Variants in UBE2E2 observed in about 807,000 individuals in gnomAD.
UBE2E2 encodes the protein ubiquitin-conjugating enzyme E2 E2.
UBE2E2 carries 6 observed loss-of-function variants against 24.7 expected under a neutral mutation model. That is an observed-to-expected ratio of 0.24 (90% confidence interval 0.13 to 0.48). The LOEUF is 0.48. UBE2E2 is among the 20% of genes least tolerant of loss of function. The probability of loss-of-function intolerance (pLI) is 0.99; values close to 1 mark genes in which losing one functional copy is unlikely to be tolerated. For synonymous variants in UBE2E2, 104 were observed against 83.6 expected (o/e 1.24, Z -1.33); for missense variants, 169 against 245.0 (o/e 0.69, Z 2.07).
chr3:23,542,331 G>T (rs1695413555), intron 5 of UBE2E2, among the ~76,000 whole-genome samples: 2 of 152,156 alleles, frequency 1.3e-5, no homozygotes, highest in Admixed American at 6.6e-5. Context: ...TAGAGTTGGG[G>T]TTAATCATAT....
chr3:23,211,394 A>G (rs1696318536), intron 2 of UBE2E2, among the ~76,000 whole-genome samples: 1 of 149,778 alleles, frequency 6.7e-6, no homozygotes, highest in African/African-American at 2.4e-5. Flanking sequence ...TTTAGTAGCT[A>G]TAGCTCTGTG....
intron 3 of UBE2E2, among the ~76,000 whole-genome samples, chr3:23,436,451 G>C (rs1698186267): frequency 6.6e-6 from 1 of 152,090 alleles, no homozygotes; most frequent in Non-Finnish European, 1.5e-5. Context: ...TGTAGCATCT[G>C]TTGTATTCTC....
At chr3:23,457,141 A>G (rs1237794292) in intron 3 of UBE2E2, among the ~76,000 whole-genome samples, 2 of 152,194 alleles carry the variant, frequency 1.3e-5, no homozygotes, top group African/African-American at 4.8e-5. Context: ...TAAAGGCAGC[A>G]CCCGAGCAGT....
At chr3:23,527,835 C>A (rs1695034607) in intron 4 of UBE2E2, among the ~76,000 whole-genome samples, 1 of 152,094 alleles carries the variant, frequency 6.6e-6, no homozygotes, top group South Asian at 2.1e-4. Context: ...CCACCCCACC[C>A]CTTATGGCTC....
At chr3:23,466,829 A>G (rs142122958) in intron 3 of UBE2E2, among the ~76,000 whole-genome samples, 4,399 of 152,132 alleles carry the variant, frequency 0.029, 109 homozygotes, top group East Asian at 0.13. Context: ...AGCCTCCCAC[A>G]GTGCTGGGAT....
At chr3:23,509,157 C>T (rs1006832919) in intron 4 of UBE2E2, among the ~76,000 whole-genome samples, 7 of 152,106 alleles carry the variant, frequency 4.6e-5, no homozygotes, top group African/African-American at 1.4e-4. Flanking sequence ...AATTTAAGGA[C>T]AATAAAATGA....
intron 5 of UBE2E2, among the ~76,000 whole-genome samples, chr3:23,549,139 G>A (rs1695585452): frequency 6.6e-6 from 1 of 152,206 alleles, no homozygotes; most frequent in Non-Finnish European, 1.5e-5. Context: ...CACTGCCAAA[G>A]CAGTATCATG....
intron 3 of UBE2E2, among the ~76,000 whole-genome samples, chr3:23,336,367 C>T (rs945182416): frequency 1.3e-5 from 2 of 152,274 alleles, no homozygotes; most frequent in African/African-American, 2.4e-5. Context: ...GAGTAAAAGT[C>T]GTAATCTTTC....
intron 5 of UBE2E2, among the ~76,000 whole-genome samples, chr3:23,550,835 C>G (rs754581114): frequency 1.4e-4 from 22 of 152,058 alleles, no homozygotes; most frequent in Non-Finnish European, 2.9e-4. Flanking sequence ...TTGGGAAGAT[C>G]AAGATGGCTA....
intron 3 of UBE2E2, among the ~76,000 whole-genome samples, chr3:23,265,781 A>C (rs1234940070): frequency 6.6e-6 from 1 of 152,162 alleles, no homozygotes; most frequent in African/African-American, 2.4e-5. Flanking sequence ...GTGGGAGTCT[A>C]AGTCTCTTTG....
At chr3:23,374,568 G>C (rs989107607) in intron 3 of UBE2E2, among the ~76,000 whole-genome samples, 1 of 152,086 alleles carries the variant, frequency 6.6e-6, no homozygotes, top group Non-Finnish European at 1.5e-5. Context: ...TGCAGAACTC[G>C]TAATTTAATT....
chr3:23,272,331 A>G (rs1184804497), intron 3 of UBE2E2, among the ~76,000 whole-genome samples: 2 of 151,948 alleles, frequency 1.3e-5, no homozygotes, highest in African/African-American at 4.8e-5. Flanking sequence ...CCCACCCAGA[A>G]CTTTCACTGG....
At chr3:23,475,375 C>T (rs1227427234) in intron 3 of UBE2E2, among the ~76,000 whole-genome samples, 1 of 152,040 alleles carries the variant, frequency 6.6e-6, no homozygotes, top group Non-Finnish European at 1.5e-5. Flanking sequence ...TACAAGTCCT[C>T]CAAACTCAAT....
chr3:23,309,892 C>T (rs1694315025), intron 3 of UBE2E2, among the ~76,000 whole-genome samples: 1 of 151,934 alleles, frequency 6.6e-6, no homozygotes, highest in Non-Finnish European at 1.5e-5. Flanking sequence ...TGGCTTCCAC[C>T]AGAGCAAACA....
chr3:23,508,905 C>T (rs750736516), intron 4 of UBE2E2, among the ~76,000 whole-genome samples: 2 of 152,170 alleles, frequency 1.3e-5, no homozygotes, highest in Non-Finnish European at 2.9e-5. Context: ...TCTTTGCCTT[C>T]AGGGCTCAGA....
In UBE2E2 at chr3:23,289,752, T is replaced by C. The variant is rs1273044462; in HGVS notation, c.227+72440T>C. On this transcript the variant is annotated intron_variant, in intron 3 of 5. Transcript: ENST00000396703. ...TAGTTTTGAACGTTCAAGTACTTAG[T>C]TGAACTTAAGTTATGAAATTGTAAA... Among the ~76,000 whole-genome samples the C allele has an allele frequency of 2.0e-5, 3 of 152,260 alleles. No homozygotes were observed. In the South Asian group the frequency reaches 6.2e-4, roughly 31 times the overall value.
chr3:23,350,302 A>C (rs570091406), intron 3 of UBE2E2, among the ~76,000 whole-genome samples: 57 of 152,322 alleles, frequency 3.7e-4, no homozygotes, highest in African/African-American at 1.3e-3. Flanking sequence ...AGAGCAGAAA[A>C]ACTGGAAACC....
chr3:23,510,620 A>G (rs989090532), intron 4 of UBE2E2, among the ~76,000 whole-genome samples: 1 of 152,088 alleles, frequency 6.6e-6, no homozygotes, highest in South Asian at 2.1e-4. Flanking sequence ...AAAAAATAAG[A>G]TAAAATAAAA....
intron 3 of UBE2E2, 143 bp from the exon 4 acceptor site, chr3:23,499,465 A>T (rs570658353): frequency 1.7e-4 from 169 of 986,140 alleles, no homozygotes; most frequent in Middle Eastern, 1.5e-3. Context: ...CAATATTGGC[A>T]ATATGAATCT....
Sources: allele counts gnomAD v4.1 joint callset (sites outside exome capture counted in the v4.1 genomes callset), GRCh38; gene constraint gnomAD v4.1.1; transcripts MANE v1.5; gene names NCBI Gene and HGNC (gene_info 2026-07-23, HGNC 2026-07-21).